Variants in CACNA1B observed in about 807,000 individuals in gnomAD.
The protein encoded by CACNA1B is voltage-dependent N-type calcium channel subunit alpha-1B.
Under a neutral mutation model 247.2 loss-of-function variants are expected in CACNA1B, and 70 were observed. The observed-to-expected ratio is 0.28, with a 90% CI of 0.23 to 0.35. The LOEUF is 0.35. CACNA1B is among the 10% of genes least tolerant of loss of function. CACNA1B has a pLI of 1.00. For missense variants in CACNA1B, 2,367 were observed against 3,197.4 expected, an observed-to-expected ratio of 0.74 and a Z score of 6.26; for synonymous variants, 1,231 against 1,294.4, an observed-to-expected ratio of 0.95 and a Z score of 1.05.
chr9:138,075,583 G>A (rs369954599), intron 34 of CACNA1B, among the ~76,000 whole-genome samples: 7 of 152,310 alleles, frequency 4.6e-5, no homozygotes, highest in South Asian at 2.1e-4. Context: ...TGAGTGTTTC[G>A]GACTTGCATC....
Position 137,917,515 on chromosome 9 carries a change from C to T in CACNA1B, c.966+84C>T, listed in dbSNP as rs527577710. 9.0e-6 allele frequency: 11 copies of T among 1,215,910 alleles called. No individual in the cohort carries two copies. The East Asian group carries it at 1.9e-4, about 21-fold the overall frequency. 75.3% of individuals were successfully genotyped at this position (1,215,910 alleles called of 1,614,324 possible). Reference sequence around the variant, plus strand: ...CTCTGGGGGTCCATTTAGGGGGGCCCTTCTGACCTCAGAGCCTCTGCCCAG... The same window carrying T: ...CTCTGGGGGTCCATTTAGGGGGGCCTTTCTGACCTCAGAGCCTCTGCCCAG... On this transcript the variant is annotated intron_variant, in intron 6 of 46. Transcript: ENST00000371372. The surrounding 1 kb of genome is among the most constrained non-coding windows in gnomAD (Gnocchi z 5.5).
At chr9:137,915,407 G>T (rs1376485232) in intron 5 of CACNA1B, among the ~76,000 whole-genome samples, 1 of 152,132 alleles carries the variant, frequency 6.6e-6, no homozygotes, top group African/African-American at 2.4e-5. Flanking sequence ...TGGTTAAAAT[G>T]GGTCAAATTA....
At chr9:137,998,911 G>C (rs1013829751) in intron 15 of CACNA1B, among the ~76,000 whole-genome samples, 7 of 152,192 alleles carry the variant, frequency 4.6e-5, no homozygotes, top group Non-Finnish European at 1.0e-4. Context: ...ATACAGAACT[G>C]TACCCAACAG....
intron 20 of CACNA1B, among the ~76,000 whole-genome samples, chr9:138,032,436 T>G (rs1261400168): frequency 6.6e-6 from 1 of 152,138 alleles, no homozygotes; most frequent in Non-Finnish European, 1.5e-5. Flanking sequence ...AGAGGAAAAG[T>G]GTGTTGTATT....
rs1043601926 is a variant in CACNA1B at position 137,882,307 on chromosome 9, G to A, written c.391-437G>A. On this transcript the variant is annotated intron_variant, in intron 2 of 46. Coordinates refer to ENST00000371372, the MANE Select transcript of CACNA1B (RefSeq NM_000718.4). The surrounding 1 kb of genome is among the most constrained non-coding windows in gnomAD (Gnocchi z 4.0). ...ATGTTAGAATGGGGATGACCTCATG[G>A]GGTATTAAAGGGCCACCCTAGTTGA... Among the ~76,000 whole-genome samples the A allele has an allele frequency of 2.6e-5, 4 of 152,172 alleles. No homozygotes were observed. Among genetic ancestry groups the A allele is most frequent in the African/African-American group, 9.7e-5 (4 of 41,438 alleles).
At chr9:138,041,585 A>AT (rs1221283493) in intron 20 of CACNA1B, among the ~76,000 whole-genome samples, 2 of 151,498 alleles carry the variant, frequency 1.3e-5, no homozygotes, top group Admixed American at 6.6e-5. Flanking sequence ...CTCAATTGAC[A>AT]TTTTTTTCCT....
chr9:137,922,793 G>A (rs1434173361), intron 6 of CACNA1B, among the ~76,000 whole-genome samples: 1 of 152,156 alleles, frequency 6.6e-6, no homozygotes, highest in Non-Finnish European at 1.5e-5. Flanking sequence ...GTGACAACCT[G>A]CAAAACTATA....
At chr9:137,991,994 C>T (rs568609281) in intron 15 of CACNA1B, among the ~76,000 whole-genome samples, 68 of 152,170 alleles carry the variant, frequency 4.5e-4, no homozygotes, top group African/African-American at 1.5e-3. Context: ...CTCCTTAAGA[C>T]ACAAATCCAA....
chr9:137,934,461 A>G (rs1957642075), intron 6 of CACNA1B, among the ~76,000 whole-genome samples: 1 of 152,248 alleles, frequency 6.6e-6, no homozygotes, highest in Admixed American at 6.5e-5. Context: ...TCGGATGGCC[A>G]GAGCAGCCTG....
intron 23 of CACNA1B, among the ~76,000 whole-genome samples, chr9:138,048,910 G>C (rs1959207355): frequency 6.6e-6 from 1 of 152,186 alleles, no homozygotes; most frequent in Admixed American, 6.5e-5. Flanking sequence ...TAGAGATGGG[G>C]TTTCACCTTG....
Position 137,971,336 on chromosome 9 carries a change from G to A in CACNA1B, c.1334-47G>A, listed in dbSNP as rs143388351. On this transcript the variant is annotated intron_variant, in intron 10 of 46. Coordinates refer to ENST00000371372, the MANE Select transcript of CACNA1B (RefSeq NM_000718.4). This position sits in a 1 kb window ranked among gnomAD's most constrained non-coding sequence, Gnocchi z 4.4. ...GTGGGGGTCCACAGGTGGGGTAGGC[G>A]GGTGCCCATTGGTCCCCACATCCTC... 497 of 1,394,070 alleles carry A rather than the reference G, an allele frequency of 3.6e-4. 1 individual carries two copies. The African/African-American group carries it at 5.1e-3, about 14-fold the overall frequency. The allele number at this position is 1,394,070 out of a possible 1,614,324, so 86.4% of individuals were successfully genotyped here. A position where few individuals can be genotyped will look rare whatever the true frequency, so the allele number is the denominator to read the frequency against.
rs188127337 is a variant in CACNA1B, at chr9:137,991,198, G to A, written c.1974+4344G>A. Reference sequence around the variant, plus strand: ...TAAAGAAATAAAAAACATGATACAGGTTATGAAAGGAAAATTCTTCAGTGA... The same window carrying A: ...TAAAGAAATAAAAAACATGATACAGATTATGAAAGGAAAATTCTTCAGTGA... On this transcript the variant is annotated intron_variant, in intron 15 of 46. Transcript: ENST00000371372. Among the ~76,000 whole-genome samples the A allele has an allele frequency of 1.4e-3, 208 of 152,230 alleles. 2 individuals are homozygous for A. The highest frequency in any genetic ancestry group is 1.5e-3 in the Non-Finnish European group (103 of 68,006).
chr9:138,027,272 G>A (rs1958932696), intron 20 of CACNA1B, among the ~76,000 whole-genome samples: 1 of 152,080 alleles, frequency 6.6e-6, no homozygotes, highest in African/African-American at 2.4e-5. Flanking sequence ...ACAACTGATT[G>A]TCTGGTCCCT....
At chr9:138,016,067 C>T (rs557823920) in intron 18 of CACNA1B, among the ~76,000 whole-genome samples, 13 of 152,182 alleles carry the variant, frequency 8.5e-5, no homozygotes, top group Admixed American at 8.5e-4. Flanking sequence ...CACAGACACA[C>T]ACACACAGAC....
rs1959389739 is a variant in CACNA1B at position 138,053,778 on chromosome 9, C to A, written c.3808-68C>A. Reference sequence around the variant, plus strand: ...ACCCCTCCCCGTGACCCTACCCTTCCCCCTCATGGCCCCACTCTCCCACCA... The same window carrying A: ...ACCCCTCCCCGTGACCCTACCCTTCACCCTCATGGCCCCACTCTCCCACCA... On this transcript the variant is annotated intron_variant, in intron 25 of 46. Coordinates refer to ENST00000371372, the MANE Select transcript of CACNA1B (RefSeq NM_000718.4). The A allele has an allele frequency of 3.2e-6, 4 of 1,246,034 alleles. No individual in the cohort carries two copies. The Admixed American group carries it at 7.0e-5, about 22-fold the overall frequency. The allele number at this position is 1,246,034 out of a possible 1,614,324, so 77.2% of individuals were successfully genotyped here.
chr9:137,957,763 C>A lies in CACNA1B; in HGVS notation c.1333+76C>A. The stretch of plus-strand genomic sequence containing the variant: ...AGTGCATGCTCCGCTTCCCCTGCTA[C>A]CCAGCCACTGTTGGACGCCCCTTCT... On this transcript the variant is annotated intron_variant, in intron 10 of 46. Coordinates refer to ENST00000371372, the MANE Select transcript of CACNA1B (RefSeq NM_000718.4). The surrounding 1 kb of genome is among the most constrained non-coding windows in gnomAD (Gnocchi z 4.7). 1 of 1,063,442 alleles carries A rather than the reference C, an allele frequency of 9.4e-7. No individual in the cohort carries two copies. Among genetic ancestry groups the A allele is most frequent in the Non-Finnish European group, 1.3e-6 (1 of 742,920 alleles). 65.9% of individuals were successfully genotyped at this position (1,063,442 alleles called of 1,614,324 possible).
chr9:137,962,351 T>G (rs1958030403), intron 10 of CACNA1B, among the ~76,000 whole-genome samples: 1 of 151,800 alleles, frequency 6.6e-6, no homozygotes, highest in African/African-American at 2.4e-5. Flanking sequence ...CTGTTTTCAT[T>G]GATTTTTTTG....
At chr9:137,993,937 A>G (rs1372153083) in intron 15 of CACNA1B, among the ~76,000 whole-genome samples, 2 of 152,240 alleles carry the variant, frequency 1.3e-5, no homozygotes, top group Non-Finnish European at 2.9e-5. Context: ...ACATAGATGC[A>G]GAAATCCTCA....
intron 20 of CACNA1B, among the ~76,000 whole-genome samples, chr9:138,031,690 G>A (rs1472561516): frequency 6.6e-6 from 1 of 152,102 alleles, no homozygotes; most frequent in African/African-American, 2.4e-5. Context: ...CTGTTTTTGG[G>A]CACATACACA....
Sources: allele counts gnomAD v4.1 joint callset (sites outside exome capture counted in the v4.1 genomes callset), GRCh38; gene constraint gnomAD v4.1.1; non-coding constraint Gnocchi (gnomAD v3.1); transcripts MANE v1.5; gene names NCBI Gene and HGNC (gene_info 2026-07-23, HGNC 2026-07-21).